The following PIEZO1 variants were observed in gnomAD, a reference collection of about 807,000 sequenced individuals.
PIEZO1 encodes the protein piezo-type mechanosensitive ion channel component 1.
In PIEZO1, 296 loss-of-function variants were observed where a neutral mutation model predicts 297.2. The ratio of observed to expected loss-of-function variants is 1.00; its 90% confidence interval spans 0.91 to 1.10. The LOEUF (loss-of-function observed/expected upper bound fraction) is 1.10, where lower values mean the gene tolerates loss of function less well. PIEZO1 is among the 50% of genes least tolerant of loss of function. The pLI, the probability that PIEZO1 is intolerant of heterozygous loss-of-function variation, is 0.00. For missense variants in PIEZO1, 5,018 were observed against 3,455.5 expected (o/e 1.45, Z -11.34); for synonymous variants, 2,427 against 1,507.5 (o/e 1.61, Z -14.13).
chr16:88,745,259 A>G (rs1049365084), intron 2 of PIEZO1: 4 of 152,148 alleles, frequency 2.6e-5, no homozygotes, highest in Admixed American at 1.3e-4. Context: ...TGGCCTTTCC[A>G]TCCTGGGAAA....
chr16:88,728,287 G>C (rs961904471), intron 22 of PIEZO1, among the ~76,000 whole-genome samples: 1 of 152,278 alleles, frequency 6.6e-6, no homozygotes, highest in African/African-American at 2.4e-5. Context: ...GTGTGAGGCA[G>C]GGAGGGTCGG....
chr16:88,720,919 C>T (rs1226141589), intron 39 of PIEZO1, among the ~76,000 whole-genome samples, 171 bp from the exon 40 acceptor site: 2 of 152,210 alleles, frequency 1.3e-5, no homozygotes, highest in Non-Finnish European at 2.9e-5. Context: ...TGTCCTCTGT[C>T]TGGGGCAACT....
chr16:88,749,798 C>T (rs550496113), intron 1 of PIEZO1, among the ~76,000 whole-genome samples: 26 of 152,276 alleles, frequency 1.7e-4, no homozygotes, highest in African/African-American at 5.1e-4. Context: ...GAGGCCAAGG[C>T]GGGCGGATCA....
In PIEZO1 at chr16:88,736,208, G is replaced by C. The variant is rs1026658821; in HGVS notation, c.1497C>G (p.Val499=). The change falls in exon 12 of 51, where the codon GTC becomes GTG. Residue 499 remains valine, a synonymous_variant. Coordinates refer to ENST00000301015, the MANE Select transcript of PIEZO1 (RefSeq NM_001142864.4). The part of the protein sequence containing the change: ...RPELPTTLGP[V]SLRQLGLEHT... The stretch of plus-strand genomic sequence containing the variant: ...GCTCCAGCCCCAGCTGGCGCAGGCT[G>C]ACGGGGCCCAGGGTGGTGGGCAGCT... 9 of 1,549,710 alleles carry C rather than the reference G, an allele frequency of 5.8e-6. No homozygotes were observed. In the African/African-American group the frequency reaches 1.2e-4, roughly 21 times the overall value.
chr16:88,743,920 C>G (rs2142849176), intron 2 of PIEZO1: 1 of 300,810 alleles, frequency 3.3e-6, no homozygotes, highest in South Asian at 2.7e-5. Context: ...GGAAAACCGT[C>G]CAGGAAGGGA....
At chr16:88,724,360 A>G (rs1286940000) in intron 30 of PIEZO1, among the ~76,000 whole-genome samples, 2 of 152,070 alleles carry the variant, frequency 1.3e-5, no homozygotes, top group African/African-American at 4.8e-5. Flanking sequence ...GTGAAACCCC[A>G]TCTCTACTAA....
In PIEZO1 at chr16:88,741,616, C is replaced by G. The variant is rs918189223; in HGVS notation, c.327G>C (p.Arg109Ser). Residue 109 changes from arginine to serine, a missense_variant and splice_region_variant, in exon 5 of 51, where the codon AGG becomes AGC. Arg to Ser is a moderately radical substitution (Grantham distance 110). Transcript: ENST00000301015. Reference protein sequence around the residue: ...ETLSRHIGVTRLDLKDIPNAI... With the variant: ...ETLSRHIGVTSLDLKDIPNAI... ...CGTTGGGGATGTCCTTCAGGTCCAG[C>G]CTGCGGAGAGCAGGGAGCAGCCGCG... The G allele has an allele frequency of 5.2e-6, 8 of 1,534,106 alleles. No individual in the cohort carries two copies. Among genetic ancestry groups the G allele is most frequent in the Non-Finnish European group, 7.0e-6 (8 of 1,146,186 alleles).
chr16:88,722,978 G>A lies in PIEZO1; in HGVS notation c.4527C>T (p.Ser1509=). Residue 1509 remains serine (S), a synonymous_variant, in exon 34 of 51, where the codon AGC becomes AGT. Transcript: ENST00000301015. ...GRSHVVQRVL[S]TAQFLWMLGQ... ...CCAGCATCCACAGGAACTGCGCCGT[G>A]CTCAGCACCCTCTGCACCACATGGC... 1 of 1,548,424 alleles carries A rather than the reference G, an allele frequency of 6.5e-7. No homozygotes were observed.
intron 1 of PIEZO1, among the ~76,000 whole-genome samples, chr16:88,760,153 G>A (rs571620347): frequency 4.6e-5 from 7 of 150,762 alleles, no homozygotes; most frequent in African/African-American, 1.5e-4. Context: ...CCTCGCCGGC[G>A]GGGCCTCCGT....
Position 88,717,176 on chromosome 16 carries a change from C to G in PIEZO1, c.6507G>C (p.Lys2169Asn), listed in dbSNP as rs374421341. ...YPQPKGQKKK[K>N]IVKYGMGGLI... The stretch of plus-strand genomic sequence containing the variant: ...GGCCACCCATGCCGTACTTGACGAT[C>G]TTCTTCTTCTTCTGCCCTTTGGGCT... Residue 2169 changes from lysine (K) to asparagine (N), a missense_variant, in exon 45 of 51, where the codon AAG becomes AAC. Physicochemically the swap from Lys to Asn is moderately conservative, Grantham distance 94. Coordinates refer to ENST00000301015, the MANE Select transcript of PIEZO1 (RefSeq NM_001142864.4). 3.9e-6 allele frequency: 6 copies of G among 1,544,470 alleles called. No individual in the cohort carries two copies. The highest frequency in any genetic ancestry group is 5.2e-6 in the Non-Finnish European group (6 of 1,143,200).
At chr16:88,725,357 C>A (rs1310181388) in intron 29 of PIEZO1, 59 bp downstream of exon 29, 13 of 1,064,926 alleles carry the variant, frequency 1.2e-5, no homozygotes, top group Non-Finnish European at 1.7e-5. Flanking sequence ...CAGCACACGC[C>A]AGCAGGCACA....
Position 88,722,310 on chromosome 16 carries a change from A to G in PIEZO1, c.4863T>C (p.Ser1621=). 1.3e-6 allele frequency: 2 copies of G among 1,547,520 alleles called. No individual in the cohort carries two copies. Among genetic ancestry groups the G allele is most frequent in the East Asian group, 2.4e-5 (1 of 40,894 alleles). Residue 1621 remains serine (S), a synonymous_variant, in exon 36 of 51, where the codon AGT becomes AGC. Transcript: ENST00000301015. ...LSTGYHTRSG[S]EEAVTDPGER... ...CCCCGGGGTCGGTGACTGCCTCCTC[A>G]CTGCCACTGCGCGTGTGGTAGCCGG...
In PIEZO1 at chr16:88,715,610, C is replaced by T. The variant is rs73262683; in HGVS notation, c.7561G>A (p.Glu2521Lys). The change falls in exon 51 of 51, where the codon GAG becomes AAG. Residue 2521 changes from glutamate (E) to lysine (K), a missense_variant. Glu to Lys is a moderately conservative substitution (Grantham distance 56). Coordinates refer to ENST00000301015, the MANE Select transcript of PIEZO1 (RefSeq NM_001142864.4). ...ETMIKWTREK[E>K] is the part of the protein sequence containing the mutation. ...TCGGGCGCCAGCAGCAGCTCCTACT[C>T]CTTCTCACGAGTCCACTTGATCATG... is the stretch of plus-strand genomic sequence containing the variant. 2 of 1,549,802 alleles carry T rather than the reference C, an allele frequency of 1.3e-6. No homozygotes were observed. The highest frequency in any genetic ancestry group is 1.2e-5 in the South Asian group (1 of 84,050).
Position 88,723,931 on chromosome 16 carries a change from A to G in PIEZO1, c.4275T>C (p.Ser1425=). 1.3e-6 allele frequency: 2 copies of G among 1,549,792 alleles called. No homozygotes were observed. Among genetic ancestry groups the G allele is most frequent in the Non-Finnish European group, 8.7e-7 (1 of 1,146,350 alleles). Residue 1425 remains serine, a synonymous_variant, in exon 31 of 51, where the codon AGT becomes AGC. Transcript: ENST00000301015. ...SGDYFLFESD[S]EEEEEAVPED... ...CAGGAACAGCCTCCTCCTCTTCCTC[A>G]CTGTCGGACTCAAACAGGAAGTAGT...
In PIEZO1 at chr16:88,733,990, G is replaced by GCTGCTGCTGCTGATGCTC; in HGVS notation, c.2227_2244dup (p.Glu743_Gln748dup). 8.4e-7 allele frequency: 1 copy of GCTGCTGCTGCTGATGCTC among 1,192,004 alleles called. No individual in the cohort carries two copies. The highest frequency in any genetic ancestry group is 1.2e-6 in the Non-Finnish European group (1 of 849,304). 73.8% of individuals were successfully genotyped at this position (1,192,004 alleles called of 1,614,324 possible). On this transcript the variant is annotated inframe_insertion, in exon 17 of 51. Coordinates refer to ENST00000301015, the MANE Select transcript of PIEZO1 (RefSeq NM_001142864.4). ...TCCTCCTCCTCCTCCTCCTCCTCCT[G>GCTGCTGCTGCTGATGCTC]CTGCTGCTGCTGATGCTCCTGCTGC... is the stretch of plus-strand genomic sequence containing the variant.
At position 88,725,053 on chromosome 16, in the gene PIEZO1, G is replaced by T; in HGVS notation, c.4190C>A (p.Pro1397Gln). ...PGPDSPGGSS[P>Q]PRRQWWRPWL... The stretch of plus-strand genomic sequence containing the variant: ...GGGCCGCCACCACTGCCTCCGTGGC[G>T]GGGAGGAGCCCCCTGGACTGTCGGG... Residue 1397 changes from proline to glutamine, a missense_variant, in exon 30 of 51, where the codon CCG becomes CAG. Coordinates refer to ENST00000301015, the MANE Select transcript of PIEZO1 (RefSeq NM_001142864.4). 1 of 1,499,622 alleles carries T rather than the reference G, an allele frequency of 6.7e-7. No homozygotes were observed. Among genetic ancestry groups the T allele is most frequent in the Non-Finnish European group, 8.9e-7 (1 of 1,126,956 alleles). The allele number at this position is 1,499,622 out of a possible 1,614,324, so 92.9% of individuals were successfully genotyped here. A position where few individuals can be genotyped will look rare whatever the true frequency, so the allele number is the denominator to read the frequency against.
Position 88,738,740 on chromosome 16 carries a change from C to G in PIEZO1, c.466-4G>C, listed in dbSNP as rs1205332367. The stretch of plus-strand genomic sequence containing the variant: ...CCACATCCCTCTCATCATCATCCTG[C>G]CAAGGTCACGGACAGGGGCAAGGTC... On this transcript the variant is annotated splice_region_variant and splice_polypyrimidine_tract_variant and intron_variant, in intron 5 of 50. Coordinates refer to ENST00000301015, the MANE Select transcript of PIEZO1 (RefSeq NM_001142864.4). 2.6e-6 allele frequency: 4 copies of G among 1,526,822 alleles called. No individual in the cohort carries two copies. The highest frequency in any genetic ancestry group is 3.5e-6 in the Non-Finnish European group (4 of 1,139,832). The allele number at this position is 1,526,822 out of a possible 1,614,324, so 94.6% of individuals were successfully genotyped here. A position where few individuals can be genotyped will look rare whatever the true frequency, so the allele number is the denominator to read the frequency against.
Position 88,721,877 on chromosome 16 carries a change from G to A in PIEZO1, c.5145C>T (p.Phe1715=), listed in dbSNP as rs1240336447. The change falls in exon 37 of 51, where the codon TTC becomes TTT. Residue 1715 remains phenylalanine, a synonymous_variant. Coordinates refer to ENST00000301015, the MANE Select transcript of PIEZO1 (RefSeq NM_001142864.4). ...AGSLVLPVLV[F]LWAMLSIPRP... ...TCGGGATCGACAGCATGGCCCACAG[G>A]AAGACGAGCACGGGCAGCACCAGCG... 3 of 1,550,050 alleles carry A rather than the reference G, an allele frequency of 1.9e-6. No individual in the cohort carries two copies. Among genetic ancestry groups the A allele is most frequent in the East Asian group, 2.4e-5 (1 of 40,902 alleles).
chr16:88,734,556 C>G lies in PIEZO1; in HGVS notation c.1998-18G>C. 6.5e-7 allele frequency: 1 copy of G among 1,542,526 alleles called. No individual in the cohort carries two copies. The highest frequency in any genetic ancestry group is 2.5e-5 in the East Asian group (1 of 40,778). ...CCCCCAGCCTGTGGAGGGGCAGCAT[C>G]AGCACCGGCCCGGCCCCCGGCAGAG... On this transcript the variant is annotated intron_variant, in intron 15 of 50. Coordinates refer to ENST00000301015, the MANE Select transcript of PIEZO1 (RefSeq NM_001142864.4).
Sources: allele counts gnomAD v4.1 joint callset (sites outside exome capture counted in the v4.1 genomes callset), GRCh38; gene constraint gnomAD v4.1.1; transcripts MANE v1.5; gene names NCBI Gene and HGNC (gene_info 2026-07-23, HGNC 2026-07-21).